SMARCA2: variants seen among roughly 807,000 people sequenced by gnomAD.
SMARCA2 encodes the protein SWI/SNF-related matrix-associated actin-dependent regulator of chromatin subfamily A member 2.
Under a neutral mutation model 199.8 loss-of-function variants are expected in SMARCA2, and 61 were observed. The ratio of observed to expected loss-of-function variants is 0.31; its 90% CI spans 0.25 to 0.38. The LOEUF (loss-of-function observed/expected upper bound fraction) is 0.38. Ranked by LOEUF, SMARCA2 falls within the 10% of genes least tolerant of loss-of-function variation. The pLI, the probability that SMARCA2 is intolerant of heterozygous loss-of-function variation, is 1.00. For missense variants in SMARCA2, 1,344 were observed against 2,012.2 expected, an observed-to-expected ratio of 0.67 and a Z score of 6.35; for synonymous variants, 935 against 732.0, an observed-to-expected ratio of 1.28 and a Z score of -4.48.
chr9:2,117,481 A>AT (rs1310847755), intron 25 of SMARCA2, among the ~76,000 whole-genome samples: 2 of 152,170 alleles, frequency 1.3e-5, no homozygotes, highest in Non-Finnish European at 1.5e-5. Flanking sequence ...TTGTCAGGTG[A>AT]TTTTTTTGTT....
At chr9:2,189,561 C>CT (rs1249206363) in intron 32 of SMARCA2, among the ~76,000 whole-genome samples, 1 of 152,110 alleles carries the variant, frequency 6.6e-6, no homozygotes, top group Non-Finnish European at 1.5e-5. Context: ...TGACTGGCTT[C>CT]TTTCATCTAT....
intron 25 of SMARCA2, among the ~76,000 whole-genome samples, chr9:2,117,133 A>G (rs7021615): frequency 0.025 from 3,823 of 152,282 alleles, 159 homozygotes; most frequent in African/African-American, 0.085. Context: ...CTTCTGCACC[A>G]TTATAAAGTC....
At chr9:2,167,251 C>G (rs1825978784) in intron 28 of SMARCA2, among the ~76,000 whole-genome samples, 1 of 152,234 alleles carries the variant, frequency 6.6e-6, no homozygotes, top group African/African-American at 2.4e-5. Flanking sequence ...TCTATCAACT[C>G]TCTTATCAGG....
At chr9:2,192,229 G>C (rs1000125250) in intron 33 of SMARCA2, 4 of 172,428 alleles carry the variant, frequency 2.3e-5, no homozygotes, top group African/African-American at 9.6e-5. Context: ...TTTCTTTCTG[G>C]AAAGATAAAT....
At chr9:2,139,343 G>C (rs780477658) in intron 27 of SMARCA2, among the ~76,000 whole-genome samples, 1 of 152,094 alleles carries the variant, frequency 6.6e-6, no homozygotes, top group African/African-American at 2.4e-5. Context: ...GTAGAGAATG[G>C]GGAATGCTGA....
At chr9:2,078,224 C>T (rs1487446976) in intron 14 of SMARCA2, among the ~76,000 whole-genome samples, 1 of 152,160 alleles carries the variant, frequency 6.6e-6, no homozygotes, top group African/African-American at 2.4e-5. Flanking sequence ...GTAATCCTAT[C>T]ACTTTGGGAG....
chr9:2,026,750 A>G lies in SMARCA2; in HGVS notation c.-36-2237A>G, dbSNP rs1437733110. On this transcript the variant is annotated intron_variant, in intron 1 of 33. Coordinates refer to ENST00000349721, the MANE Select transcript of SMARCA2 (RefSeq NM_003070.5). ...AGGGTGTATTAGTGTGCTCATATAC[A>G]TGAAAGAGCATTGTATCTTGTAGTA... 4.6e-5 allele frequency among the ~76,000 whole-genome samples: 7 copies of G among 152,246 alleles called. No individual in the cohort carries two copies. In the East Asian group the frequency reaches 9.6e-4, roughly 21 times the overall value.
intron 1 of SMARCA2, among the ~76,000 whole-genome samples, chr9:2,028,046 G>C (rs1247520840): frequency 6.6e-6 from 1 of 152,210 alleles, no homozygotes; most frequent in Admixed American, 6.5e-5. Flanking sequence ...TGGAGTGTGG[G>C]TGGTGGAATA....
At chr9:2,117,502 T>G (rs937577052) in intron 25 of SMARCA2, among the ~76,000 whole-genome samples, 19 of 152,362 alleles carry the variant, frequency 1.2e-4, no homozygotes, top group African/African-American at 4.3e-4. Context: ...GTTTATACAC[T>G]TGGACATTTC....
In SMARCA2 at chr9:2,119,065, A is replaced by C. The variant is rs1452560510; in HGVS notation, c.3685-393A>C. 6.6e-6 allele frequency among the ~76,000 whole-genome samples: 1 copy of C among 152,236 alleles called. No homozygotes were observed. Among genetic ancestry groups the C allele is most frequent in the Non-Finnish European group, 1.5e-5 (1 of 68,048 alleles). On this transcript the variant is annotated intron_variant, in intron 25 of 33. Transcript: ENST00000349721. The surrounding 1 kb of genome is among the most constrained non-coding windows in gnomAD (Gnocchi z 4.6). ...GGCATAAGGTAAATGGAATTAAAAG[A>C]ATTAATGTTAGGTACTTTTTCATAT... is the stretch of plus-strand genomic sequence containing the variant.
chr9:2,119,475 G>A lies in SMARCA2; in HGVS notation c.3702G>A (p.Pro1234=), dbSNP rs140458185. ...EEENEEEDEV[P]DDETLNQMIA... is the part of the protein sequence containing the mutation. ...AACCCCAGGAAGAAGATGAAGTACC[G>A]GACGATGAGACTCTGAACCAAATGA... The change falls in exon 26 of 34, where the codon CCG becomes CCA. Residue 1234 remains proline, a synonymous_variant. Transcript: ENST00000349721. This position sits in a 1 kb window ranked among gnomAD's most constrained non-coding sequence, Gnocchi z 4.6. The A allele has an allele frequency of 1.5e-5, 24 of 1,612,706 alleles. No homozygotes were observed. Among genetic ancestry groups the A allele is most frequent in the Admixed American group, 1.0e-4 (6 of 60,008 alleles).
intron 4 of SMARCA2, chr9:2,045,663 A>G (rs1480627201): frequency 2.0e-5 from 3 of 152,208 alleles, no homozygotes; most frequent in Non-Finnish European, 4.4e-5. Context: ...ACAATACCTA[A>G]AATTAAAAAT....
At chr9:2,144,073 G>A (rs891821075) in intron 27 of SMARCA2, among the ~76,000 whole-genome samples, 2 of 149,726 alleles carry the variant, frequency 1.3e-5, no homozygotes, top group South Asian at 2.1e-4. Context: ...CGGGAGATGG[G>A]GGGGGATGTA....
At chr9:2,028,511 C>T (rs1438664946) in intron 1 of SMARCA2, among the ~76,000 whole-genome samples, 4 of 152,068 alleles carry the variant, frequency 2.6e-5, no homozygotes, top group Non-Finnish European at 5.9e-5. Flanking sequence ...GTATTTTTCC[C>T]GGTTTAACTA....
chr9:2,124,236 A>G (rs549451244), intron 27 of SMARCA2, among the ~76,000 whole-genome samples: 3 of 152,280 alleles, frequency 2.0e-5, no homozygotes, highest in African/African-American at 2.4e-5. Context: ...GAGACCCACT[A>G]ATGTTTTATG....
At chr9:2,150,151 C>T (rs1007775167) in intron 27 of SMARCA2, among the ~76,000 whole-genome samples, 4 of 151,664 alleles carry the variant, frequency 2.6e-5, no homozygotes, top group Admixed American at 6.6e-5. Context: ...TCATCTCCTT[C>T]ACACAGTATA....
chr9:2,069,432 G>A (rs1326894654), intron 9 of SMARCA2, among the ~76,000 whole-genome samples: 7 of 151,604 alleles, frequency 4.6e-5, no homozygotes, highest in South Asian at 2.1e-4. Flanking sequence ...GGTGGCGGTC[G>A]CCTGTAGTCC....
intron 24 of SMARCA2, among the ~76,000 whole-genome samples, chr9:2,114,776 A>G (rs1823146148): frequency 6.6e-6 from 1 of 152,242 alleles, no homozygotes; most frequent in African/African-American, 2.4e-5. Flanking sequence ...AGCAAAATGT[A>G]AGCAAAGTGA....
At chr9:2,131,979 T>G (rs1396711623) in intron 27 of SMARCA2, among the ~76,000 whole-genome samples, 1 of 150,894 alleles carries the variant, frequency 6.6e-6, no homozygotes, top group Non-Finnish European at 1.5e-5. Flanking sequence ...TTTATAATAC[T>G]AGGTGCTAAT....
Sources: allele counts gnomAD v4.1 joint callset (sites outside exome capture counted in the v4.1 genomes callset), GRCh38; gene constraint gnomAD v4.1.1; non-coding constraint Gnocchi (gnomAD v3.1); transcripts MANE v1.5; gene names NCBI Gene and HGNC (gene_info 2026-07-23, HGNC 2026-07-21).